CLDN10: variants seen among roughly 807,000 people sequenced by gnomAD.
The protein encoded by CLDN10 is claudin-10.
CLDN10 carries 15 observed loss-of-function variants against 22.9 expected under a neutral mutation model. That is an observed-to-expected ratio of 0.65 (90% CI 0.44 to 1.01). The LOEUF is 1.01. Among genes scored for constraint, CLDN10 ranks in the 50% least tolerant of loss-of-function variants. CLDN10 has a pLI of 0.00. For synonymous variants in CLDN10, 114 were observed against 111.4 expected (o/e 1.02, Z -0.15); for missense variants, 247 against 287.8 (o/e 0.86, Z 1.03).
At chr13:95,555,757 A>C (rs2043630959) in intron 1 of CLDN10, among the ~76,000 whole-genome samples, 1 of 151,972 alleles carries the variant, frequency 6.6e-6, no homozygotes, top group African/African-American at 2.4e-5. Flanking sequence ...TGTGGAGGGG[A>C]GTTGATTCCC....
At chr13:95,435,499 C>T (rs967686789) in intron 1 of CLDN10, among the ~76,000 whole-genome samples, 17 of 152,256 alleles carry the variant, frequency 1.1e-4, no homozygotes, top group South Asian at 2.1e-4. Flanking sequence ...AATATTCAAG[C>T]GTGGATGCCT....
intron 1 of CLDN10, among the ~76,000 whole-genome samples, chr13:95,453,780 G>T (rs2042456099): frequency 6.6e-6 from 1 of 152,048 alleles, no homozygotes; most frequent in African/African-American, 2.4e-5. Context: ...AGGCATGGCT[G>T]TCCCAGTAAC....
intron 1 of CLDN10, among the ~76,000 whole-genome samples, chr13:95,513,274 A>G (rs1182421236): frequency 6.6e-6 from 1 of 152,174 alleles, no homozygotes; most frequent in Non-Finnish European, 1.5e-5. Context: ...ATTATTTACT[A>G]TTTACATATC....
intron 1 of CLDN10, among the ~76,000 whole-genome samples, chr13:95,461,598 A>G (rs557353933): frequency 6.6e-6 from 1 of 152,294 alleles, no homozygotes; most frequent in South Asian, 2.1e-4. Context: ...TGACCTCGTC[A>G]TGATTTGTGA....
chr13:95,539,315 A>G (rs1291620719), intron 1 of CLDN10, among the ~76,000 whole-genome samples: 1 of 152,246 alleles, frequency 6.6e-6, no homozygotes, highest in African/African-American at 2.4e-5. Flanking sequence ...CACAGAAGAA[A>G]AAGTGAGGAT....
chr13:95,445,572 G>A (rs772618152), intron 1 of CLDN10, among the ~76,000 whole-genome samples: 24 of 152,222 alleles, frequency 1.6e-4, no homozygotes, highest in Non-Finnish European at 2.6e-4. Context: ...TTTCTGCCAG[G>A]AAACTTGATG....
chr13:95,552,703 G>A (rs778736301), upstream of CLDN10: 1 of 1,548,320 alleles, frequency 6.5e-7, no homozygotes, highest in Non-Finnish European at 8.7e-7. Flanking sequence ...GAGTGCGGGG[G>A]TCGCGGCGCA....
At chr13:95,439,944 C>T (rs944569862) in intron 1 of CLDN10, among the ~76,000 whole-genome samples, 7 of 150,174 alleles carry the variant, frequency 4.7e-5, no homozygotes, top group South Asian at 2.1e-4. Context: ...GACAAAGTCT[C>T]GCTCTGTTGC....
At chr13:95,461,345 C>T (rs1261754396) in intron 1 of CLDN10, among the ~76,000 whole-genome samples, 3 of 152,182 alleles carry the variant, frequency 2.0e-5, no homozygotes, top group Non-Finnish European at 4.4e-5. Context: ...TCTTTGATTT[C>T]TATCCCTCAT....
At chr13:95,490,167 G>T (rs1408688603) in intron 1 of CLDN10, among the ~76,000 whole-genome samples, 1 of 152,122 alleles carries the variant, frequency 6.6e-6, no homozygotes, top group Non-Finnish European at 1.5e-5. Context: ...CTCTGGATTT[G>T]TTCTTTTTGC....
chr13:95,468,831 T>A (rs775485266), intron 1 of CLDN10, among the ~76,000 whole-genome samples: 1 of 152,164 alleles, frequency 6.6e-6, no homozygotes, highest in Non-Finnish European at 1.5e-5. Context: ...AAGAATAGTG[T>A]ATTTTACCAT....
rs184945429 is a variant in CLDN10 at position 95,469,014 on chromosome 13, T to C, written c.214+34967T>C. ...ATACATTATGATTTCATAATAATCA[T>C]ACCTTACTATCAGAAAATATCATAT... On this transcript the variant is annotated intron_variant, in intron 1 of 4. Coordinates refer to the CLDN10 transcript ENST00000376873. Among the ~76,000 whole-genome samples the C allele has an allele frequency of 2.1e-3, 319 of 152,198 alleles. 2 individuals carry two copies. The highest frequency in any genetic ancestry group is 3.1e-3 in the Non-Finnish European group (210 of 67,996).
In CLDN10 at chr13:95,562,073, G is replaced by A. The variant is rs941730976; in HGVS notation, c.464+1610G>A. On this transcript the variant is annotated intron_variant, in intron 3 of 4. Transcript: ENST00000299339. The stretch of plus-strand genomic sequence containing the variant: ...GCCTCCTTAGTAGCTGGGATTACAG[G>A]CACGCACCACCATGCCCAGCTAATT... 3.3e-5 allele frequency among the ~76,000 whole-genome samples: 5 copies of A among 152,036 alleles called. No homozygotes were observed. In the East Asian group the frequency reaches 9.7e-4, roughly 29 times the overall value.
intron 1 of CLDN10, among the ~76,000 whole-genome samples, chr13:95,494,407 T>C (rs1249190185): frequency 2.6e-5 from 4 of 152,260 alleles, no homozygotes; most frequent in Non-Finnish European, 4.4e-5. Flanking sequence ...CTGTTTGCTC[T>C]ATGTAACACG....
intron 3 of CLDN10, among the ~76,000 whole-genome samples, chr13:95,571,050 A>T (rs1053159280): frequency 6.9e-6 from 1 of 145,688 alleles, no homozygotes; most frequent in East Asian, 2.1e-4. Flanking sequence ...TTTTGCACAG[A>T]CCTAATATAT....
chr13:95,497,372 A>G (rs377536190), intron 1 of CLDN10, among the ~76,000 whole-genome samples: 36 of 152,294 alleles, frequency 2.4e-4, no homozygotes, highest in African/African-American at 7.5e-4. Context: ...CATGGCAAGC[A>G]TGAGCCAGGA....
intron 1 of CLDN10, among the ~76,000 whole-genome samples, chr13:95,487,736 G>A (rs988931412): frequency 3.3e-5 from 5 of 152,022 alleles, no homozygotes; most frequent in South Asian, 2.1e-4. Flanking sequence ...GTGCAGTGGC[G>A]TGATCATGGT....
chr13:95,559,994 T>C (rs554176224), intron 1 of CLDN10, 138 bp from the exon 2 acceptor site: 5 of 814,030 alleles, frequency 6.1e-6, no homozygotes, highest in South Asian at 5.4e-5. Context: ...TTTCCTTTCT[T>C]GCTTGTCTTG....
upstream of CLDN10, among the ~76,000 whole-genome samples, chr13:95,548,201 C>G (rs1423493205): frequency 1.3e-5 from 2 of 152,126 alleles, no homozygotes; most frequent in Non-Finnish European, 2.9e-5. Flanking sequence ...GTCTACAAGC[C>G]CTGGAATGTT....
Sources: gnomAD v4.1 joint callset for allele counts (sites outside exome capture counted in the v4.1 genomes callset) on GRCh38, gnomAD v4.1.1 for gene constraint, MANE v1.5 for transcripts, NCBI Gene and HGNC (gene_info 2026-07-23, HGNC 2026-07-21) for gene names.